ATIC: variants seen among roughly 807,000 people sequenced by gnomAD.
The protein encoded by ATIC is 5-aminoimidazole-4-carboxamide ribonucleotide formyltransferase/IMP cyclohydrolase, also known as bifunctional purine biosynthesis protein ATIC.
A neutral mutation model predicts 72.5 loss-of-function variants in ATIC; 64 were observed. The ratio of observed to expected loss-of-function variants is 0.88; its 90% confidence interval spans 0.72 to 1.09. ATIC has a LOEUF of 1.09. Ranked by LOEUF, ATIC falls within the 50% of genes least tolerant of loss-of-function variation. ATIC has a pLI of 0.00. For synonymous variants in ATIC, 281 were observed against 267.1 expected (o/e 1.05, Z -0.51); for missense variants, 787 against 732.4 (o/e 1.07, Z -0.86).
chr2:215,340,072 G>A (rs185751446), intron 12 of ATIC, among the ~76,000 whole-genome samples: 174 of 152,250 alleles, frequency 1.1e-3, no homozygotes, highest in African/African-American at 4.0e-3. Flanking sequence ...TCACTGCAAC[G>A]TGGATCTTCT....
chr2:215,312,310 C>A, intron 1 of ATIC, 149 bp downstream of exon 1: 1 of 1,450,622 alleles, frequency 6.9e-7, no homozygotes, highest in Non-Finnish European at 9.2e-7. Flanking sequence ...GGGCCGCAGC[C>A]TGCGTGGGGC....
chr2:215,334,623 A>G (rs2052935322), intron 9 of ATIC, among the ~76,000 whole-genome samples: 1 of 152,214 alleles, frequency 6.6e-6, no homozygotes, highest in Non-Finnish European at 1.5e-5. Context: ...TATCATCTAC[A>G]GCAGTGGTCA....
intron 4 of ATIC, among the ~76,000 whole-genome samples, chr2:215,324,449 A>G (rs1015761417): frequency 5.3e-5 from 8 of 152,090 alleles, no homozygotes; most frequent in Non-Finnish European, 1.0e-4. Context: ...TTTTTGTGTG[A>G]AGATACCTAA....
chr2:215,356,244 T>C, the ATIC span, among the ~76,000 whole-genome samples: 1 of 152,336 alleles, frequency 6.6e-6, no homozygotes, highest in South Asian at 2.1e-4. Flanking sequence ...CTTTTGTGTA[T>C]ATGGAAGCAT....
At chr2:215,328,917 ACG>A (rs1031600176) in intron 7 of ATIC, among the ~76,000 whole-genome samples, 1 of 151,968 alleles carries the variant, frequency 6.6e-6, no homozygotes, top group African/African-American at 2.4e-5. Context: ...GGGTTTCACC[ACG>A]TTGGCCAGGC....
intron 12 of ATIC, among the ~76,000 whole-genome samples, chr2:215,340,683 A>C (rs1019248619): frequency 6.6e-6 from 1 of 152,170 alleles, no homozygotes; most frequent in Non-Finnish European, 1.5e-5. Context: ...TTTAGCCTTC[A>C]GTCTTTGTGA....
chr2:215,363,950 G>A, the ATIC span, among the ~76,000 whole-genome samples: 1 of 152,236 alleles, frequency 6.6e-6, no homozygotes, highest in South Asian at 2.1e-4. Context: ...CAGAGGGTTG[G>A]CTCACCAAAG....
At chr2:215,365,722 C>T in the ATIC span, 3 of 1,204,140 alleles carry the variant, frequency 2.5e-6, no homozygotes, top group Non-Finnish European at 3.6e-6. Context: ...ACAGGGTCTT[C>T]AGAACCATGA....
chr2:215,332,512 A>G lies in ATIC; in HGVS notation c.814+5A>G. ...TCAAACATGTCAGCCCAGCAGGTAA[A>G]GCTCTGTGCTCTGGAAAGCTCCAGA... On this transcript the variant is annotated splice_donor_5th_base_variant and intron_variant, in intron 8 of 15. Coordinates refer to ENST00000236959, the MANE Select transcript of ATIC (RefSeq NM_004044.7). 1 of 1,614,106 alleles carries G rather than the reference A, an allele frequency of 6.2e-7. No homozygotes were observed. The highest frequency in any genetic ancestry group is 8.5e-7 in the Non-Finnish European group (1 of 1,180,016).
chr2:215,328,903 G>T (rs1424190502), intron 7 of ATIC, among the ~76,000 whole-genome samples: 1 of 152,066 alleles, frequency 6.6e-6, no homozygotes, highest in Non-Finnish European at 1.5e-5. Context: ...TTTTAGTAGA[G>T]ATAGGGTTTC....
At position 215,349,196 on chromosome 2, in the gene ATIC, A is replaced by G. The variant is rs766063365; in HGVS notation, c.1606A>G (p.Ile536Val). 41 of 1,614,102 alleles carry G rather than the reference A, an allele frequency of 2.5e-5. No homozygotes were observed. Among genetic ancestry groups the G allele is most frequent in the Admixed American group, 8.3e-5 (5 of 60,008 alleles). The change falls in exon 15 of 16, where the codon ATC (isoleucine) becomes GTC (valine). Residue 536 changes from isoleucine (I) to valine (V), a missense_variant. Physicochemically the swap from Ile to Val is conservative, Grantham distance 29. Coordinates refer to ENST00000236959, the MANE Select transcript of ATIC (RefSeq NM_004044.7). ...GGTTGAGAAACTGACTGAAGTTTCT[A>G]TCAGCTCTGATGCCTTCTTCCCTTT... ...EWVEKLTEVS[I>V]SSDAFFPFRD...
At chr2:215,325,952 C>A (rs1234041941) in intron 5 of ATIC, 35 bp from the exon 6 acceptor site, 2 of 1,611,374 alleles carry the variant, frequency 1.2e-6, no homozygotes, top group Admixed American at 3.3e-5. Context: ...CTGATAGGGA[C>A]ATACAAAAAT....
intron 7 of ATIC, among the ~76,000 whole-genome samples, chr2:215,328,837 C>T (rs1194425597): frequency 1.3e-5 from 2 of 151,956 alleles, no homozygotes; most frequent in Non-Finnish European, 2.9e-5. Flanking sequence ...CCTGCCTCGG[C>T]CTCTCAAGTA....
At chr2:215,319,809 T>TTC in intron 4 of ATIC, 78 bp downstream of exon 4, 3 of 1,199,138 alleles carry the variant, frequency 2.5e-6, no homozygotes, top group Non-Finnish European at 3.7e-6. Context: ...TCCCTGTGTT[T>TTC]TCTTACTCAC....
chr2:215,339,570 A>C (rs1000040088), intron 12 of ATIC, among the ~76,000 whole-genome samples: 1 of 152,210 alleles, frequency 6.6e-6, no homozygotes, highest in Non-Finnish European at 1.5e-5. Flanking sequence ...CAGTCAGTCC[A>C]TGTGTAGATG....
chr2:215,326,657 T>C (rs2052830151), intron 6 of ATIC, among the ~76,000 whole-genome samples, 165 bp from the exon 7 acceptor site: 1 of 151,902 alleles, frequency 6.6e-6, no homozygotes, highest in South Asian at 2.1e-4. Flanking sequence ...GGTAATTTGT[T>C]GGGCCATTCA....
rs1426111740 is a variant in ATIC at position 215,349,652 on chromosome 2, C to T, written c.1776C>T (p.His592=). 1.9e-6 allele frequency: 3 copies of T among 1,614,048 alleles called. No individual in the cohort carries two copies. Among genetic ancestry groups the T allele is most frequent in the African/African-American group, 2.7e-5 (2 of 74,900 alleles). The change falls in exon 16 of 16, where the codon CAC becomes CAT. Residue 592 remains histidine, a synonymous_variant. Coordinates refer to ENST00000236959, the MANE Select transcript of ATIC (RefSeq NM_004044.7). ...ATACGAACCTTCGGCTCTTCCACCA[C>T]TGATTTTACCACACACTGTTTTTTG... The part of the protein sequence containing the change: ...LAHTNLRLFH[H]
At chr2:215,351,188 C>CA (rs2053127726), downstream of ATIC, among the ~76,000 whole-genome samples, 1 of 152,160 alleles carries the variant, frequency 6.6e-6, no homozygotes, top group Non-Finnish European at 1.5e-5. Context: ...CACTAGTTGC[C>CA]AGCCACATGA....
intron 14 of ATIC, 121 bp downstream of exon 14, chr2:215,347,062 G>T (rs1233887005): frequency 8.0e-7 from 1 of 1,243,326 alleles, no homozygotes; most frequent in South Asian, 1.3e-5. Flanking sequence ...ATTCTATGTT[G>T]TCTAAAATTG....
Sources: allele counts gnomAD v4.1 joint callset (sites outside exome capture counted in the v4.1 genomes callset), GRCh38; gene constraint gnomAD v4.1.1; transcripts MANE v1.5; gene names NCBI Gene and HGNC (gene_info 2026-07-23, HGNC 2026-07-21).